The following NEK10 variants were observed in gnomAD, a reference collection of about 807,000 sequenced individuals.
The protein encoded by NEK10 is NIMA related kinase 10, also known as serine/threonine-protein kinase Nek10.
NEK10 carries 122 observed loss-of-function variants against 159.8 expected under a neutral mutation model. That is an observed-to-expected ratio of 0.76 (90% CI 0.66 to 0.89). NEK10 has a LOEUF of 0.89. NEK10 is among the 40% of genes least tolerant of loss of function. NEK10 has a pLI of 0.00. For synonymous variants in NEK10, 466 were observed against 457.1 expected (o/e 1.02, Z -0.25); for missense variants, 1,342 against 1,323.1 (o/e 1.01, Z -0.22).
chr3:27,310,028 T>C (rs2044565106), intron 9 of NEK10: 1 of 152,206 alleles, frequency 6.6e-6, no homozygotes. Context: ...CCAAAATGTC[T>C]CAGGTCAGAG....
At chr3:27,258,369 C>G (rs913178693) in intron 22 of NEK10, among the ~76,000 whole-genome samples, 2 of 129,480 alleles carry the variant, frequency 1.5e-5, no homozygotes, top group Admixed American at 8.6e-5. Flanking sequence ...ATCCCTCCCC[C>G]CTCCCCCTAC....
chr3:27,198,885 C>T (rs1949789304), intron 25 of NEK10, among the ~76,000 whole-genome samples: 1 of 151,868 alleles, frequency 6.6e-6, no homozygotes, highest in African/African-American at 2.4e-5. Flanking sequence ...TCCTGGCTAA[C>T]ACCGTGAAAC....
At chr3:27,164,345 G>A (rs1946288544) in intron 29 of NEK10, among the ~76,000 whole-genome samples, 1 of 152,102 alleles carries the variant, frequency 6.6e-6, no homozygotes, top group Non-Finnish European at 1.5e-5. Context: ...CCCAGCAAAT[G>A]CTTTCCGAAT....
chr3:27,227,509 C>T (rs1449614225), intron 23 of NEK10, among the ~76,000 whole-genome samples: 1 of 152,162 alleles, frequency 6.6e-6, no homozygotes, highest in Non-Finnish European at 1.5e-5. Context: ...CCTCAGACAT[C>T]GGGCACATAT....
At chr3:27,352,305 G>C (rs1179855456) in intron 3 of NEK10, among the ~76,000 whole-genome samples, 160 bp downstream of exon 3, 4 of 152,134 alleles carry the variant, frequency 2.6e-5, no homozygotes, top group Non-Finnish European at 5.9e-5. Context: ...GGCAAAGCCT[G>C]AACCAGGTGT....
chr3:27,162,680 T>C (rs759296426), intron 30 of NEK10, 21 bp downstream of exon 30: 214 of 1,614,004 alleles, frequency 1.3e-4, no homozygotes, highest in Non-Finnish European at 1.7e-4. Flanking sequence ...TTTGATTTTA[T>C]TGCTACCAAC....
intron 23 of NEK10, among the ~76,000 whole-genome samples, chr3:27,208,259 T>C (rs572527858): frequency 6.6e-6 from 1 of 152,240 alleles, no homozygotes; most frequent in Non-Finnish European, 1.5e-5. Flanking sequence ...GTGAGCAACA[T>C]AATATTCAGA....
intron 11 of NEK10, among the ~76,000 whole-genome samples, chr3:27,305,765 G>A (rs1188098966): frequency 6.6e-6 from 1 of 152,116 alleles, no homozygotes; most frequent in Non-Finnish European, 1.5e-5. Flanking sequence ...TATATACTCA[G>A]TGCAAAGTGC....
intron 30 of NEK10, among the ~76,000 whole-genome samples, chr3:27,146,916 G>T (rs1026765749): frequency 5.9e-5 from 9 of 152,148 alleles, no homozygotes; most frequent in African/African-American, 2.2e-4. Flanking sequence ...CAGTTTAGCT[G>T]GTGTGCAGTA....
intron 9 of NEK10, chr3:27,309,575 C>T (rs1247981392): frequency 6.6e-6 from 1 of 152,160 alleles, no homozygotes; most frequent in Admixed American, 6.6e-5. Flanking sequence ...CATGACCAGC[C>T]TGGTTCTCAT....
intron 23 of NEK10, among the ~76,000 whole-genome samples, chr3:27,233,344 C>T (rs552097213): frequency 1.3e-5 from 2 of 152,072 alleles, no homozygotes; most frequent in South Asian, 4.1e-4. Flanking sequence ...TAATGAGATA[C>T]CACCTTACTC....
intron 26 of NEK10, among the ~76,000 whole-genome samples, chr3:27,189,498 C>T (rs1407354719): frequency 6.6e-6 from 1 of 152,056 alleles, no homozygotes; most frequent in Non-Finnish European, 1.5e-5. Context: ...GATTGTGTAA[C>T]TGCATTATTG....
chr3:27,281,148 T>C (rs1463287818), intron 22 of NEK10, among the ~76,000 whole-genome samples: 1 of 151,958 alleles, frequency 6.6e-6, no homozygotes, highest in Non-Finnish European at 1.5e-5. Context: ...AAGAAATAAT[T>C]ATAACAAAGA....
At chr3:27,295,568 G>A in intron 15 of NEK10, 45 bp downstream of exon 15, 1 of 1,533,284 alleles carries the variant, frequency 6.5e-7, no homozygotes, top group Non-Finnish European at 8.8e-7. Context: ...AGTTACCCAA[G>A]ATTTCAATAA....
At chr3:27,170,290 G>C (rs535457421) in intron 29 of NEK10, among the ~76,000 whole-genome samples, 1 of 152,118 alleles carries the variant, frequency 6.6e-6, no homozygotes, top group African/African-American at 2.4e-5. Flanking sequence ...ACCTCAACAG[G>C]TGCCCCAGCC....
In NEK10 at chr3:27,346,179, A is replaced by G; in HGVS notation, c.170T>C (p.Met57Thr). The part of the protein sequence containing the change: ...AINFDSAQNS[M>T]TKSEPAIRAG... Reference sequence around the variant, plus strand: ...CCTGATGGCGGGCTCAGACTTCGTCATGCTATTTTGGGCACTATCGAAGTT... The same window carrying G: ...CCTGATGGCGGGCTCAGACTTCGTCGTGCTATTTTGGGCACTATCGAAGTT... The change falls in exon 4 of 36, where the codon ATG becomes ACG. Residue 57 changes from methionine to threonine, a missense_variant. Physicochemically the swap from Met to Thr is moderately conservative, Grantham distance 81. Transcript: ENST00000691995. 6.2e-7 allele frequency: 1 copy of G among 1,613,774 alleles called. No individual in the cohort carries two copies.
chr3:27,167,893 C>T (rs1946623753), intron 29 of NEK10, among the ~76,000 whole-genome samples: 1 of 152,192 alleles, frequency 6.6e-6, no homozygotes, highest in African/African-American at 2.4e-5. Context: ...GGGGCTATCC[C>T]TCCTAGTTCC....
intron 30 of NEK10, among the ~76,000 whole-genome samples, chr3:27,149,361 T>C (rs1225676611): frequency 2.0e-5 from 3 of 152,096 alleles, no homozygotes; most frequent in Admixed American, 6.5e-5. Flanking sequence ...AAGATGTTGC[T>C]TTTTTTAAAT....
rs770427423 is a variant in NEK10 at position 27,352,461 on chromosome 3, C to T, written c.132+4G>A. The T allele has an allele frequency of 5.6e-6, 9 of 1,603,042 alleles. No individual in the cohort carries two copies. The highest frequency in any genetic ancestry group is 4.5e-5 in the East Asian group (2 of 44,832). ...ACCAAGTGAACATTCTTTGAAAACG[C>T]TACCTGTTGTTTGCTTGATTGGACG... is the stretch of plus-strand genomic sequence containing the variant. On this transcript the variant is annotated splice_donor_region_variant and intron_variant, in intron 3 of 35. Coordinates refer to ENST00000691995, the MANE Select transcript of NEK10 (RefSeq NM_001394966.1).
Sources: gnomAD v4.1 joint callset for allele counts (sites outside exome capture counted in the v4.1 genomes callset) on GRCh38, gnomAD v4.1.1 for gene constraint, MANE v1.5 for transcripts, NCBI Gene and HGNC (gene_info 2026-07-23, HGNC 2026-07-21) for gene names.